Variants in STAT3 observed in about 807,000 individuals in gnomAD.
The protein encoded by STAT3 is DNA-binding protein APRF.
In STAT3, 7 loss-of-function variants were observed where a neutral mutation model predicts 114.3. That is an observed-to-expected ratio of 0.06 (90% CI 0.03 to 0.11). The LOEUF (loss-of-function observed/expected upper bound fraction) is 0.11. STAT3 is among the 10% of genes least tolerant of loss of function. The pLI, the probability that STAT3 is intolerant of heterozygous loss-of-function variation, is 1.00. For missense variants in STAT3, 364 were observed against 960.9 expected (o/e 0.38, Z 8.21); for synonymous variants, 331 against 354.5 (o/e 0.93, Z 0.74).
intron 1 of STAT3, among the ~76,000 whole-genome samples, chr17:42,380,166 A>G (rs1048826707): frequency 6.6e-6 from 1 of 151,664 alleles, no homozygotes; most frequent in African/African-American, 2.4e-5. Context: ...CCTCCCGGGT[A>G]GCTGGGACTA....
chr17:42,337,591 T>G lies in STAT3; in HGVS notation c.646-5A>C. ...CGCCAGCTCACTCACGATGCTCTGG[T>G]TGGAAACCAAAACAAAGTCAGAAAA... On this transcript the variant is annotated splice_region_variant and splice_polypyrimidine_tract_variant and intron_variant, in intron 7 of 23. Transcript: ENST00000264657. The surrounding 1 kb of genome is among the most constrained non-coding windows in gnomAD (Gnocchi z 4.0). 1 of 1,614,190 alleles carries G rather than the reference T, an allele frequency of 6.2e-7. No homozygotes were observed. The highest frequency in any genetic ancestry group is 8.5e-7 in the Non-Finnish European group (1 of 1,180,050).
chr17:42,323,407 C>T, intron 18 of STAT3, 53 bp from the exon 19 acceptor site: 1 of 1,601,666 alleles, frequency 6.2e-7, no homozygotes, highest in Non-Finnish European at 8.6e-7. Context: ...CAGCCCTTCC[C>T]TTCCTAGGGG....
intron 4 of STAT3, among the ~76,000 whole-genome samples, chr17:42,340,684 C>G (rs563820220): frequency 6.6e-6 from 1 of 152,102 alleles, no homozygotes; most frequent in East Asian, 1.9e-4. Context: ...TCCAAGCCCA[C>G]AGAATACAAA....
intron 4 of STAT3, among the ~76,000 whole-genome samples, chr17:42,341,772 T>C (rs888437231): frequency 6.6e-6 from 1 of 152,052 alleles, no homozygotes; most frequent in Admixed American, 6.6e-5. Flanking sequence ...TCCTGGGTCA[T>C]ACAGTCCCTG....
chr17:42,344,744 G>T (rs2082618338), intron 4 of STAT3, among the ~76,000 whole-genome samples: 1 of 150,722 alleles, frequency 6.6e-6, no homozygotes, highest in South Asian at 2.1e-4. Context: ...GAGAGATGAG[G>T]TCTCGCTACA....
At position 42,314,302 on chromosome 17, in the gene STAT3, C is replaced by G. The variant is rs985294547; in HGVS notation, c.*1443G>C. 8.6e-5 allele frequency: 20 copies of G among 233,438 alleles called. No homozygotes were observed. The highest frequency in any genetic ancestry group is 2.0e-4 in the African/African-American group (9 of 45,312). 14.5% of individuals were successfully genotyped at this position (233,438 alleles called of 1,614,324 possible). A position where few individuals can be genotyped will look rare whatever the true frequency, so the allele number is the denominator to read the frequency against. ...AAGAAACTGGCTAAGAACCATATTC[C>G]CTGAGCTCAACCAGACACGTCGCTG... is the stretch of plus-strand genomic sequence containing the variant. On this transcript the variant is annotated 3_prime_UTR_variant, in exon 24 of 24. Transcript: ENST00000264657.
At chr17:42,329,673 A>G in intron 12 of STAT3, 26 bp from the exon 13 acceptor site, 2 of 1,614,130 alleles carry the variant, frequency 1.2e-6, no homozygotes, top group Non-Finnish European at 1.7e-6. Flanking sequence ...ACAATCAACT[A>G]TGTAGGTGAC....
rs749088629 is a variant in STAT3 at position 42,323,220 on chromosome 17, G to GGGGACT, written c.1748+34_1748+39dup. ...CCCTGCCACTGGCTTGCTGAGAGCA[G>GGGGACT]GGGACTTGGTTACATCTGTGCACAC... is the stretch of plus-strand genomic sequence containing the variant. On this transcript the variant is annotated intron_variant, in intron 19 of 23. Coordinates refer to ENST00000264657, the MANE Select transcript of STAT3 (RefSeq NM_139276.3). The GGGGACT allele has an allele frequency of 1.6e-5, 26 of 1,614,154 alleles. No individual in the cohort carries two copies. In the Admixed American group the frequency reaches 4.3e-4, roughly 27 times the overall value.
At chr17:42,361,460 G>A (rs921345654) in intron 1 of STAT3, among the ~76,000 whole-genome samples, 5 of 150,662 alleles carry the variant, frequency 3.3e-5, no homozygotes, top group Non-Finnish European at 7.4e-5. Flanking sequence ...TCCAGCCTGG[G>A]CAACAAGAGC....
At chr17:42,343,204 A>C (rs1327578636) in intron 4 of STAT3, among the ~76,000 whole-genome samples, 1 of 151,396 alleles carries the variant, frequency 6.6e-6, no homozygotes, top group African/African-American at 2.4e-5. Flanking sequence ...TTACAAAGGT[A>C]AATTTGAAAT....
chr17:42,372,363 T>C (rs1009411885), intron 1 of STAT3, among the ~76,000 whole-genome samples: 4 of 152,106 alleles, frequency 2.6e-5, no homozygotes, highest in Admixed American at 2.6e-4. Flanking sequence ...CAATAGAGTA[T>C]TACTCACCAA....
intron 4 of STAT3, among the ~76,000 whole-genome samples, chr17:42,344,683 C>T (rs58288833): frequency 6.7e-6 from 1 of 149,490 alleles, no homozygotes; most frequent in African/African-American, 2.5e-5. Context: ...GGCACCACTG[C>T]ACTCCAGCCT....
chr17:42,347,637 G>T (rs2082759569), intron 2 of STAT3, among the ~76,000 whole-genome samples: 1 of 152,304 alleles, frequency 6.6e-6, no homozygotes, highest in South Asian at 2.1e-4. Context: ...ACTGTTTGAG[G>T]TGGGGCCTGG....
chr17:42,344,760 C>G lies in STAT3; in HGVS notation c.372+799G>C, dbSNP rs142314805. Among the ~76,000 whole-genome samples, 10 of 151,232 alleles carry G rather than the reference C, an allele frequency of 6.6e-5. No individual in the cohort carries two copies. The East Asian group carries it at 2.0e-3, about 30-fold the overall frequency. ...AGAGATGAGGTCTCGCTACATTGCC[C>G]CAGCTGGTCTCGAACTCCTGAGGCT... is the stretch of plus-strand genomic sequence containing the variant. On this transcript the variant is annotated intron_variant, in intron 4 of 23. Coordinates refer to ENST00000264657, the MANE Select transcript of STAT3 (RefSeq NM_139276.3).
chr17:42,376,827 C>G (rs2084497831), intron 1 of STAT3, among the ~76,000 whole-genome samples: 2 of 142,348 alleles, frequency 1.4e-5, no homozygotes, highest in Admixed American at 7.6e-5. Context: ...GCCTGGGCAA[C>G]AGAATGAGGC....
At chr17:42,366,670 CAAAAAAAAAAA>C (rs34003618) in intron 1 of STAT3, among the ~76,000 whole-genome samples, 1 of 57,600 alleles carries the variant, frequency 1.7e-5, no homozygotes, top group Non-Finnish European at 3.3e-5. Context: ...GATCCTGTCT[CAAAAAAAAAAA>C]AAAAAAAAAA....
chr17:42,333,223 T>G lies in STAT3; in HGVS notation c.1049+450A>C, dbSNP rs1382236602. On this transcript the variant is annotated intron_variant, in intron 10 of 23. Transcript: ENST00000264657. This position sits in a 1 kb window ranked among gnomAD's most constrained non-coding sequence, Gnocchi z 5.2. Reference sequence around the variant, plus strand: ...AGGAGGGAAATTTTGCTGCAGAAGGTCAAAACCCCAGCACACCTGTTCTGA... The same window carrying G: ...AGGAGGGAAATTTTGCTGCAGAAGGGCAAAACCCCAGCACACCTGTTCTGA... Among the ~76,000 whole-genome samples the G allele has an allele frequency of 6.6e-6, 1 of 151,872 alleles. No homozygotes were observed. The highest frequency in any genetic ancestry group is 1.5e-5 in the Non-Finnish European group (1 of 67,960).
chr17:42,382,249 A>C (rs1480950752), intron 1 of STAT3, among the ~76,000 whole-genome samples: 1 of 152,200 alleles, frequency 6.6e-6, no homozygotes, highest in Admixed American at 6.5e-5. Flanking sequence ...ATTTAGTAAG[A>C]ACTTAGATTT....
chr17:42,315,588 C>T lies in STAT3; in HGVS notation c.*157G>A. On this transcript the variant is annotated 3_prime_UTR_variant, in exon 24 of 24. Coordinates refer to ENST00000264657, the MANE Select transcript of STAT3 (RefSeq NM_139276.3). ...CTCATTTCTCTATTTTTAAAAGTGCCCAGATTGCTCAAAGATAGCAGAAGT... is the reference window on the plus strand; with the variant it reads ...CTCATTTCTCTATTTTTAAAAGTGCTCAGATTGCTCAAAGATAGCAGAAGT... 1.4e-6 allele frequency: 1 copy of T among 733,352 alleles called. No homozygotes were observed. The highest frequency in any genetic ancestry group is 1.7e-5 in the African/African-American group (1 of 57,214). 45.4% of individuals were successfully genotyped at this position (733,352 alleles called of 1,614,324 possible). A position where few individuals can be genotyped will look rare whatever the true frequency, so the allele number is the denominator to read the frequency against.
Sources: gnomAD v4.1 joint callset for allele counts (sites outside exome capture counted in the v4.1 genomes callset) on GRCh38, gnomAD v4.1.1 for gene constraint, Gnocchi (gnomAD v3.1) non-coding constraint, MANE v1.5 for transcripts, NCBI Gene and HGNC (gene_info 2026-07-23, HGNC 2026-07-21) for gene names.